RIMBP2: variants seen among roughly 807,000 people sequenced by gnomAD.
RIMBP2 encodes RIMS-binding protein 2.
Under a neutral mutation model 118.6 loss-of-function variants are expected in RIMBP2, and 48 were observed. That is an observed-to-expected ratio of 0.40 (90% CI 0.32 to 0.51). RIMBP2 has a LOEUF of 0.51. RIMBP2 is among the 20% of genes least tolerant of loss of function. The pLI is 0.41. For missense variants in RIMBP2, 1,551 were observed against 1,768.3 expected (o/e 0.88, Z 2.20); for synonymous variants, 762 against 742.9 (o/e 1.03, Z -0.42).
At chr12:130,626,990 T>A (rs2061681482) in intron 2 of RIMBP2, among the ~76,000 whole-genome samples, 1 of 150,902 alleles carries the variant, frequency 6.6e-6, no homozygotes, top group Non-Finnish European at 1.5e-5. Context: ...ATCTTCTCCA[T>A]CACCATGACT....
chr12:130,594,685 G>T (rs184624975), intron 2 of RIMBP2, among the ~76,000 whole-genome samples: 11 of 152,212 alleles, frequency 7.2e-5, no homozygotes, highest in African/African-American at 1.7e-4. Flanking sequence ...TTGTTTTAAG[G>T]GGGGGGTGTG....
At chr12:130,588,674 G>C (rs143946473) in intron 2 of RIMBP2, among the ~76,000 whole-genome samples, 1 of 152,198 alleles carries the variant, frequency 6.6e-6, no homozygotes, top group Non-Finnish European at 1.5e-5. Flanking sequence ...TGGTTCAATG[G>C]TTCGGAAAGC....
At chr12:130,549,172 T>C (rs1351589138) in intron 2 of RIMBP2, among the ~76,000 whole-genome samples, 1 of 152,212 alleles carries the variant, frequency 6.6e-6, no homozygotes, top group Non-Finnish European at 1.5e-5. Flanking sequence ...TCTAGGCTGG[T>C]GGATATTTCA....
At chr12:130,489,463 C>T (rs2048420068) in intron 4 of RIMBP2, among the ~76,000 whole-genome samples, 1 of 152,126 alleles carries the variant, frequency 6.6e-6, no homozygotes, top group Non-Finnish European at 1.5e-5. Flanking sequence ...TCGCCCTCTG[C>T]TTCTGGGTGG....
intron 21 of RIMBP2, among the ~76,000 whole-genome samples, chr12:130,401,313 G>A (rs573616594): frequency 1.3e-5 from 2 of 151,998 alleles, no homozygotes; most frequent in Non-Finnish European, 2.9e-5. Context: ...ACAGGGTTTC[G>A]CCGTGTTGGC....
intron 2 of RIMBP2, among the ~76,000 whole-genome samples, chr12:130,600,107 TATTG>T (rs1390233544): frequency 6.6e-6 from 1 of 152,234 alleles, no homozygotes; most frequent in Non-Finnish European, 1.5e-5. Flanking sequence ...ATCTTACACA[TATTG>T]ATTGATATTT....
chr12:130,545,156 T>G (rs1366433427), intron 2 of RIMBP2, among the ~76,000 whole-genome samples: 2 of 152,162 alleles, frequency 1.3e-5, no homozygotes, highest in Admixed American at 1.3e-4. Flanking sequence ...TTTGGAAAAT[T>G]TTTTAAAAAC....
intron 2 of RIMBP2, among the ~76,000 whole-genome samples, chr12:130,593,418 G>T (rs955152766): frequency 6.6e-6 from 1 of 152,244 alleles, no homozygotes; most frequent in African/African-American, 2.4e-5. Context: ...CTGAACCTAC[G>T]AATTGAGAGA....
At chr12:130,566,012 C>A (rs536919226) in intron 2 of RIMBP2, among the ~76,000 whole-genome samples, 7 of 152,282 alleles carry the variant, frequency 4.6e-5, no homozygotes, top group Admixed American at 2.6e-4. Flanking sequence ...CAGTTCCTAA[C>A]GAGAACTATG....
At chr12:130,537,831 G>C (rs922895791) in intron 2 of RIMBP2, among the ~76,000 whole-genome samples, 7 of 152,198 alleles carry the variant, frequency 4.6e-5, no homozygotes, top group African/African-American at 1.7e-4. Context: ...TCATTAGAGA[G>C]GCTATGTCAG....
rs147428479 is a variant in RIMBP2, at chr12:130,616,293, GTC to G, written c.-217+12027_-217+12028del. ...GTACCCCCATCTGTTCTCCCCCCAT[GTC>G]TCTCTCTCTTCCTCCGCTGTCTTGC... On this transcript the variant is annotated intron_variant, in intron 2 of 22. Coordinates refer to ENST00000690449, the MANE Select transcript of RIMBP2 (RefSeq NM_001393629.1). Among the ~76,000 whole-genome samples the G allele has an allele frequency of 2.4e-3, 367 of 150,732 alleles. 2 individuals carry two copies. Among genetic ancestry groups the G allele is most frequent in the African/African-American group, 8.7e-3 (355 of 40,930 alleles).
intron 20 of RIMBP2, among the ~76,000 whole-genome samples, chr12:130,406,476 T>G (rs145602823): frequency 1.4e-3 from 218 of 152,346 alleles, no homozygotes; most frequent in Non-Finnish European, 2.5e-3. Context: ...GCTTTGATTT[T>G]GGCCAAAATT....
intron 4 of RIMBP2, among the ~76,000 whole-genome samples, chr12:130,493,273 C>A (rs1315064656): frequency 1.3e-5 from 2 of 152,084 alleles, no homozygotes; most frequent in Non-Finnish European, 2.9e-5. Context: ...ATTTGATCTC[C>A]CCTTTCCTGC....
intron 2 of RIMBP2, among the ~76,000 whole-genome samples, chr12:130,583,390 C>A (rs143173843): frequency 5.6e-5 from 8 of 142,148 alleles, no homozygotes; most frequent in African/African-American, 1.8e-4. Flanking sequence ...ACCATCACCA[C>A]CATCACCTCA....
At chr12:130,643,848 C>T (rs1394967294) in intron 1 of RIMBP2, among the ~76,000 whole-genome samples, 2 of 152,092 alleles carry the variant, frequency 1.3e-5, no homozygotes, top group Non-Finnish European at 1.5e-5. Context: ...TGAAAGAGAA[C>T]AAGGAAACTG....
intron 2 of RIMBP2, among the ~76,000 whole-genome samples, chr12:130,518,164 T>C (rs1008405593): frequency 6.6e-6 from 1 of 152,204 alleles, no homozygotes; most frequent in Admixed American, 6.5e-5. Flanking sequence ...TACATATTAA[T>C]CACTTAGTGT....
intron 1 of RIMBP2, among the ~76,000 whole-genome samples, chr12:130,685,321 T>C (rs1432624200): frequency 2.6e-5 from 4 of 152,230 alleles, no homozygotes; most frequent in Non-Finnish European, 4.4e-5. Context: ...CATAACATCA[T>C]GTTGTATATC....
chr12:130,557,177 T>C (rs562010989), intron 2 of RIMBP2, among the ~76,000 whole-genome samples: 80 of 152,078 alleles, frequency 5.3e-4, no homozygotes, highest in African/African-American at 1.7e-3. Flanking sequence ...CAGGTGAAGA[T>C]GGGCAAAGAA....
chr12:130,498,606 A>T (rs1400940018), intron 4 of RIMBP2, among the ~76,000 whole-genome samples: 4 of 150,234 alleles, frequency 2.7e-5, no homozygotes, highest in Non-Finnish European at 5.9e-5. Context: ...GGAATCAGAA[A>T]TACAAAGTGC....
Sources: allele counts gnomAD v4.1 joint callset (sites outside exome capture counted in the v4.1 genomes callset), GRCh38; gene constraint gnomAD v4.1.1; transcripts MANE v1.5; gene names NCBI Gene and HGNC (gene_info 2026-07-23, HGNC 2026-07-21).